The following UCK2 variants were observed in gnomAD, a reference collection of about 807,000 sequenced individuals.
UCK2 encodes the protein cytidine monophosphokinase 2.
UCK2 carries 6 observed loss-of-function variants against 30.8 expected under a neutral mutation model. The observed-to-expected ratio is 0.19, with a 90% CI of 0.11 to 0.38. The LOEUF (loss-of-function observed/expected upper bound fraction) is 0.38, where lower values mean the gene tolerates loss of function less well. UCK2 is among the 10% of genes least tolerant of loss of function. The pLI, the probability that UCK2 is intolerant of heterozygous loss-of-function variation, is 1.00. For synonymous variants in UCK2, 125 were observed against 133.6 expected (o/e 0.94, Z 0.45); for missense variants, 210 against 339.8 (o/e 0.62, Z 3.00).
At chr1:165,849,206 C>T (rs1571270336) in intron 1 of UCK2, among the ~76,000 whole-genome samples, 2 of 152,210 alleles carry the variant, frequency 1.3e-5, no homozygotes, top group South Asian at 2.1e-4. Context: ...ACAGTCTACC[C>T]AGAGTGGGGG....
chr1:165,829,243 T>C (rs1653979641), intron 1 of UCK2, among the ~76,000 whole-genome samples: 1 of 152,218 alleles, frequency 6.6e-6, no homozygotes. Context: ...TTCTGTGTGC[T>C]CCCTGGTTGA....
intron 1 of UCK2, among the ~76,000 whole-genome samples, chr1:165,845,952 C>T (rs941840475): frequency 6.6e-6 from 1 of 152,164 alleles, no homozygotes; most frequent in East Asian, 1.9e-4. Flanking sequence ...CAGGTATGAG[C>T]CACTGTGCCC....
At chr1:165,868,584 A>G (rs1333521484) in intron 1 of UCK2, among the ~76,000 whole-genome samples, 3 of 152,218 alleles carry the variant, frequency 2.0e-5, no homozygotes, top group Non-Finnish European at 4.4e-5. Context: ...CTTAAGCCTC[A>G]TGATCCAGCC....
intron 6 of UCK2, among the ~76,000 whole-genome samples, chr1:165,906,726 C>T (rs539431247): frequency 1.5e-3 from 231 of 152,202 alleles, no homozygotes; most frequent in African/African-American, 5.3e-3. Flanking sequence ...CTGGACTAGG[C>T]GTAGTGTGGC....
intron 1 of UCK2, among the ~76,000 whole-genome samples, chr1:165,849,474 C>T (rs1028250937): frequency 1.2e-4 from 18 of 152,170 alleles, no homozygotes; most frequent in Non-Finnish European, 1.6e-4. Flanking sequence ...TGGTCTAGGG[C>T]GTTCTGGCCT....
rs1416263651 is a variant in UCK2, at chr1:165,910,702, T to C, written c.*2879T>C. The C allele has an allele frequency of 6.6e-6, 1 of 152,360 alleles. No individual in the cohort carries two copies. Among genetic ancestry groups the C allele is most frequent in the Non-Finnish European group, 1.5e-5 (1 of 68,216 alleles). The allele number at this position is 152,360 out of a possible 1,614,324, so 9.4% of individuals were successfully genotyped here. ...ACAGAGCAGGTCCTTGCAAAGGCAG[T>C]GGGTTAAACAACGGGATGTCTGTGG... On this transcript the variant is annotated 3_prime_UTR_variant, in exon 7 of 7. Coordinates refer to ENST00000367879, the MANE Select transcript of UCK2 (RefSeq NM_012474.5).
intron 1 of UCK2, among the ~76,000 whole-genome samples, chr1:165,831,342 C>G (rs1270841939): frequency 5.9e-5 from 9 of 152,166 alleles, no homozygotes; most frequent in Non-Finnish European, 8.8e-5. Context: ...TTTGATGGTG[C>G]CACTGTACTC....
chr1:165,872,385 C>T (rs900301417), intron 1 of UCK2, among the ~76,000 whole-genome samples: 1 of 152,060 alleles, frequency 6.6e-6, no homozygotes, highest in Non-Finnish European at 1.5e-5. Context: ...GTCTTTTAGG[C>T]ATATAAAAGA....
chr1:165,896,855 G>A (rs146374048), intron 4 of UCK2, among the ~76,000 whole-genome samples: 3 of 152,286 alleles, frequency 2.0e-5, no homozygotes, highest in Admixed American at 6.5e-5. Flanking sequence ...TGTGCCCTCC[G>A]CAGGCCCTAC....
chr1:165,861,188 G>A (rs1282815163), intron 1 of UCK2, among the ~76,000 whole-genome samples: 1 of 152,002 alleles, frequency 6.6e-6, no homozygotes, highest in Non-Finnish European at 1.5e-5. Flanking sequence ...CATTCATGAG[G>A]GCTGAGCCTT....
At chr1:165,874,567 G>A (rs183605025) in intron 1 of UCK2, among the ~76,000 whole-genome samples, 91 of 152,264 alleles carry the variant, frequency 6.0e-4, no homozygotes, top group African/African-American at 2.1e-3. Flanking sequence ...GTCTTTAATA[G>A]ACAAAGACTG....
intron 6 of UCK2, among the ~76,000 whole-genome samples, chr1:165,906,927 AT>A (rs1169581796): frequency 9.2e-5 from 14 of 152,366 alleles, no homozygotes; most frequent in Admixed American, 2.0e-4. Flanking sequence ...AATTCAAGAC[AT>A]TTACCATTGA....
intron 1 of UCK2, among the ~76,000 whole-genome samples, chr1:165,857,747 C>A (rs1654785818): frequency 6.6e-6 from 1 of 152,188 alleles, no homozygotes; most frequent in Non-Finnish European, 1.5e-5. Flanking sequence ...TGTCTCATTA[C>A]CACTGTATAC....
chr1:165,847,603 G>A (rs1654484447), intron 1 of UCK2, among the ~76,000 whole-genome samples: 1 of 152,074 alleles, frequency 6.6e-6, no homozygotes, highest in Non-Finnish European at 1.5e-5. Flanking sequence ...GATCAGATCA[G>A]GTTTTTATTT....
chr1:165,837,657 A>G (rs956059205), intron 1 of UCK2, among the ~76,000 whole-genome samples: 6 of 152,142 alleles, frequency 3.9e-5, no homozygotes, highest in African/African-American at 1.4e-4. Flanking sequence ...TATCTTCTCT[A>G]GACTGAGCTC....
chr1:165,888,912 T>C (rs1367812626), intron 1 of UCK2, among the ~76,000 whole-genome samples: 1 of 152,256 alleles, frequency 6.6e-6, no homozygotes, highest in African/African-American at 2.4e-5. Context: ...ATACAATCCT[T>C]CACTATCTCA....
At chr1:165,829,536 C>T (rs1653989911) in intron 1 of UCK2, among the ~76,000 whole-genome samples, 1 of 152,174 alleles carries the variant, frequency 6.6e-6, no homozygotes, top group Non-Finnish European at 1.5e-5. Flanking sequence ...GAGGCTTAAA[C>T]TTGCATATGA....
At chr1:165,877,002 C>T (rs1489677597) in intron 1 of UCK2, among the ~76,000 whole-genome samples, 1 of 152,104 alleles carries the variant, frequency 6.6e-6, no homozygotes, top group Admixed American at 6.5e-5. Context: ...TGTGCAAAGA[C>T]CTTTTTTCCA....
chr1:165,885,477 G>A (rs1655594263), intron 1 of UCK2: 1 of 395,924 alleles, frequency 2.5e-6, no homozygotes, highest in African/African-American at 2.1e-5. Context: ...ACCTAACTTT[G>A]TATTTGGACA....
Sources: allele counts gnomAD v4.1 joint callset (sites outside exome capture counted in the v4.1 genomes callset), GRCh38; gene constraint gnomAD v4.1.1; transcripts MANE v1.5; gene names NCBI Gene and HGNC (gene_info 2026-07-23, HGNC 2026-07-21).